The following KLF12 variants were observed in gnomAD, a reference collection of about 807,000 sequenced individuals.
KLF12 encodes Krueppel-like factor 12.
KLF12 carries 9 observed loss-of-function variants against 37.8 expected under a neutral mutation model. The observed-to-expected ratio is 0.24, with a 90% CI of 0.14 to 0.42. The LOEUF is 0.42. Among genes scored for constraint, KLF12 ranks in the 10% least tolerant of loss-of-function variants. The probability of loss-of-function intolerance (pLI) is 1.00; values close to 1 mark genes in which losing one functional copy is unlikely to be tolerated. For missense variants in KLF12, 411 were observed against 516.0 expected, an observed-to-expected ratio of 0.80 and a Z score of 1.97; for synonymous variants, 208 against 202.1, an observed-to-expected ratio of 1.03 and a Z score of -0.25.
the KLF12 span, among the ~76,000 whole-genome samples, chr13:74,273,928 A>G: frequency 3.3e-5 from 5 of 152,204 alleles, no homozygotes; most frequent in Admixed American, 6.5e-5. Flanking sequence ...CAGTTACTCT[A>G]CTATGAACCC....
At chr13:73,721,098 T>C (rs1456781167) in intron 6 of KLF12, among the ~76,000 whole-genome samples, 1 of 152,230 alleles carries the variant, frequency 6.6e-6, no homozygotes, top group African/African-American at 2.4e-5. Flanking sequence ...CTAAATGCCT[T>C]AAGCTTCAGA....
chr13:73,830,823 T>C (rs1884111285), intron 4 of KLF12, among the ~76,000 whole-genome samples: 1 of 152,184 alleles, frequency 6.6e-6, no homozygotes, highest in South Asian at 2.1e-4. Context: ...TGTCGATCTC[T>C]GAAACGCAGT....
intron 1 of KLF12, among the ~76,000 whole-genome samples, chr13:74,001,767 A>G (rs934853299): frequency 1.3e-5 from 2 of 152,262 alleles, no homozygotes; most frequent in Admixed American, 1.3e-4. Flanking sequence ...ACAAATATTT[A>G]TTAAATTGTG....
At chr13:73,874,735 T>C (rs912463719) in intron 3 of KLF12, among the ~76,000 whole-genome samples, 2 of 152,180 alleles carry the variant, frequency 1.3e-5, no homozygotes, top group Non-Finnish European at 2.9e-5. Context: ...TGACTGAAAC[T>C]AAGAAACATG....
chr13:74,080,404 C>T (rs1351176921), intron 1 of KLF12, among the ~76,000 whole-genome samples: 1 of 152,064 alleles, frequency 6.6e-6, no homozygotes, highest in Non-Finnish European at 1.5e-5. Flanking sequence ...GCTGTGATCA[C>T]ACCACCACAC....
intron 1 of KLF12, among the ~76,000 whole-genome samples, chr13:74,112,416 G>GTGTA (rs1555272989): frequency 6.6e-6 from 1 of 151,606 alleles, no homozygotes; most frequent in Non-Finnish European, 1.5e-5. Context: ...GTGTGTGTGT[G>GTGTA]TGTTTTGTTT....
At chr13:74,028,830 G>C (rs1012534024) in intron 1 of KLF12, among the ~76,000 whole-genome samples, 1 of 32,510 alleles carries the variant, frequency 3.1e-5, no homozygotes, top group Admixed American at 4.9e-4. Flanking sequence ...AAAAGAGAAA[G>C]AATTTTCAAT....
chr13:73,999,749 AAAAC>A (rs1472804425), intron 1 of KLF12, among the ~76,000 whole-genome samples: 1 of 152,060 alleles, frequency 6.6e-6, no homozygotes, highest in Non-Finnish European at 1.5e-5. Flanking sequence ...CAAAAAAACA[AAAAC>A]AAAAACAAAA....
intron 2 of KLF12, among the ~76,000 whole-genome samples, chr13:73,953,542 G>A (rs1039410616): frequency 6.6e-6 from 1 of 152,168 alleles, no homozygotes; most frequent in Non-Finnish European, 1.5e-5. Flanking sequence ...TCACAACACT[G>A]AAGGGAGTAT....
Position 73,994,868 on chromosome 13 carries a change from T to C in KLF12, c.33+122A>G, listed in dbSNP as rs117364238. 1,604 of 723,144 alleles carry C rather than the reference T, an allele frequency of 2.2e-3. 3 individuals are homozygous for C. Among genetic ancestry groups the C allele is most frequent in the Non-Finnish European group, 3.0e-3 (1,209 of 403,572 alleles). The allele number at this position is 723,144 out of a possible 1,614,324, so 44.8% of individuals were successfully genotyped here. A position where few individuals can be genotyped will look rare whatever the true frequency, so the allele number is the denominator to read the frequency against. Reference sequence around the variant, plus strand: ...TACATTTTACAGATAGATATGCACATGTAAGTACTGACCTCTGTCTCGTAT... The same window carrying C: ...TACATTTTACAGATAGATATGCACACGTAAGTACTGACCTCTGTCTCGTAT... On this transcript the variant is annotated intron_variant, in intron 2 of 7. Transcript: ENST00000377669.
chr13:73,982,788 TC>T (rs1263955989), intron 2 of KLF12, among the ~76,000 whole-genome samples: 8 of 152,156 alleles, frequency 5.3e-5, no homozygotes, highest in African/African-American at 1.9e-4. Context: ...CATAGTTAAG[TC>T]CTGTAAACCA....
At chr13:73,819,880 G>A (rs1883428353) in intron 4 of KLF12, among the ~76,000 whole-genome samples, 1 of 152,152 alleles carries the variant, frequency 6.6e-6, no homozygotes, top group African/African-American at 2.4e-5. Flanking sequence ...TCCAGGCAGA[G>A]AAGATAACAG....
chr13:74,186,908 C>T, the KLF12 span, among the ~76,000 whole-genome samples: 1 of 152,266 alleles, frequency 6.6e-6, no homozygotes, highest in East Asian at 1.9e-4. Flanking sequence ...TGGGATTTAA[C>T]TCTGGAGTTT....
intron 3 of KLF12, among the ~76,000 whole-genome samples, chr13:73,873,143 A>G (rs1397857538): frequency 1.3e-5 from 2 of 152,044 alleles, no homozygotes; most frequent in Non-Finnish European, 2.9e-5. Context: ...TTATATATAT[A>G]TATAAACAAC....
At chr13:73,896,066 C>G (rs1370474900) in intron 3 of KLF12, among the ~76,000 whole-genome samples, 1 of 151,980 alleles carries the variant, frequency 6.6e-6, no homozygotes, top group African/African-American at 2.4e-5. Context: ...GGAGATCCAC[C>G]CACCTTGGCC....
chr13:73,766,665 TTTAA>T (rs1646262955), intron 5 of KLF12, among the ~76,000 whole-genome samples: 1 of 152,216 alleles, frequency 6.6e-6, no homozygotes, highest in African/African-American at 2.4e-5. Flanking sequence ...CTCACAGTTC[TTTAA>T]TTTGTTCTCT....
chr13:74,230,092 T>C, the KLF12 span, among the ~76,000 whole-genome samples: 11 of 152,100 alleles, frequency 7.2e-5, no homozygotes, highest in South Asian at 1.5e-3. Flanking sequence ...TCATCTTAAA[T>C]TGTAGTTCCC....
At chr13:73,886,860 C>T (rs560650775) in intron 3 of KLF12, among the ~76,000 whole-genome samples, 3 of 151,850 alleles carry the variant, frequency 2.0e-5, no homozygotes, top group South Asian at 2.1e-4. Context: ...GGCGTGGTGG[C>T]GCATGCCTGT....
At chr13:73,837,177 G>A (rs1884478904) in intron 4 of KLF12, among the ~76,000 whole-genome samples, 1 of 152,072 alleles carries the variant, frequency 6.6e-6, no homozygotes, top group Non-Finnish European at 1.5e-5. Context: ...AATGCAGGGA[G>A]GTGGGAGGAG....
Sources: allele counts gnomAD v4.1 joint callset (sites outside exome capture counted in the v4.1 genomes callset), GRCh38; gene constraint gnomAD v4.1.1; transcripts MANE v1.5; gene names NCBI Gene and HGNC (gene_info 2026-07-23, HGNC 2026-07-21).